Variants in ARHGAP32 observed in about 807,000 individuals in gnomAD.
The protein encoded by ARHGAP32 is rho GTPase-activating protein 32.
Under a neutral mutation model 186.5 loss-of-function variants are expected in ARHGAP32, and 51 were observed. The ratio of observed to expected loss-of-function variants is 0.27; its 90% CI spans 0.22 to 0.35. The LOEUF is 0.35. ARHGAP32 is among the 10% of genes least tolerant of loss of function. The probability of loss-of-function intolerance (pLI) is 1.00; values close to 1 mark genes in which losing one functional copy is unlikely to be tolerated. For synonymous variants in ARHGAP32, 950 were observed against 964.3 expected, an observed-to-expected ratio of 0.99 and a Z score of 0.27; for missense variants, 2,186 against 2,623.5, an observed-to-expected ratio of 0.83 and a Z score of 3.64.
In ARHGAP32 at chr11:129,111,761, T is replaced by TC. The variant is rs541216053; in HGVS notation, c.444+11684dup. ...TAATGTCTATTTTTCTTTTATTTTT[T>TC]CCCCCTTTCTTTTTTTGAGACAGAG... is the stretch of plus-strand genomic sequence containing the variant. On this transcript the variant is annotated intron_variant, in intron 5 of 22. Coordinates refer to ENST00000682385, the MANE Select transcript of ARHGAP32 (RefSeq NM_001378024.1). 6.1e-4 allele frequency among the ~76,000 whole-genome samples: 93 copies of TC among 152,094 alleles called. 1 individual carries two copies. The highest frequency in any genetic ancestry group is 3.4e-3 in the Middle Eastern group (1 of 294).
intron 5 of ARHGAP32, among the ~76,000 whole-genome samples, chr11:129,115,236 A>T (rs1203839799): frequency 1.3e-5 from 2 of 152,132 alleles, no homozygotes; most frequent in African/African-American, 4.8e-5. Flanking sequence ...ATACTACTTT[A>T]AAACTACTGA....
intron 1 of ARHGAP32, among the ~76,000 whole-genome samples, chr11:129,233,350 TA>T (rs1174390118): frequency 1.3e-5 from 2 of 152,184 alleles, no homozygotes; most frequent in African/African-American, 4.8e-5. Flanking sequence ...TTTACTTTTG[TA>T]TATGTTTGAG....
chr11:129,235,929 A>ACACACT (rs1944924844), intron 1 of ARHGAP32, among the ~76,000 whole-genome samples: 1 of 119,062 alleles, frequency 8.4e-6, no homozygotes, highest in Non-Finnish European at 1.9e-5. Context: ...ACACACACAC[A>ACACACT]CACACACACA....
chr11:129,055,583 T>C (rs1940217127), intron 10 of ARHGAP32, among the ~76,000 whole-genome samples: 2 of 152,190 alleles, frequency 1.3e-5, no homozygotes, highest in South Asian at 2.1e-4. Context: ...TCCATGACAC[T>C]GAATATTAGA....
intron 2 of ARHGAP32, among the ~76,000 whole-genome samples, chr11:129,128,363 G>A (rs902980186): frequency 6.6e-6 from 1 of 152,048 alleles, no homozygotes; most frequent in Admixed American, 6.5e-5. Context: ...TATTTTACTA[G>A]TATTTGACAT....
At chr11:129,072,123 A>G (rs188376958) in intron 6 of ARHGAP32, among the ~76,000 whole-genome samples, 3 of 152,340 alleles carry the variant, frequency 2.0e-5, no homozygotes, top group Admixed American at 2.0e-4. Context: ...TAAGTAGTTA[A>G]GGTAGAAAAA....
Position 128,968,746 on chromosome 11 carries a change from AGGGAAG to A in ARHGAP32, c.*155_*160del, listed in dbSNP as rs1385265914. 2 of 529,766 alleles carry A rather than the reference AGGGAAG, an allele frequency of 3.8e-6. No individual in the cohort carries two copies. The highest frequency in any genetic ancestry group is 5.9e-6 in the Non-Finnish European group (2 of 337,240). 32.8% of individuals were successfully genotyped at this position (529,766 alleles called of 1,614,324 possible). ...TAGATGGAAGAGGGGGTAATGAAGC[AGGGAAG>A]GGGAAAAAGATGCTGATTTGTTTAC... On this transcript the variant is annotated 3_prime_UTR_variant, in exon 23 of 23. Coordinates refer to ENST00000682385, the MANE Select transcript of ARHGAP32 (RefSeq NM_001378024.1).
chr11:129,090,089 C>A (rs749987449), intron 6 of ARHGAP32, among the ~76,000 whole-genome samples: 1 of 152,178 alleles, frequency 6.6e-6, no homozygotes, highest in Non-Finnish European at 1.5e-5. Context: ...GAATAAATGA[C>A]ACCTACCTTT....
intron 15 of ARHGAP32, among the ~76,000 whole-genome samples, chr11:128,982,886 G>A (rs1450282485): frequency 3.8e-4 from 31 of 81,466 alleles, no homozygotes; most frequent in Admixed American, 5.8e-4. Context: ...GTGAGACCTT[G>A]TCTTTAAAAA....
At chr11:129,083,206 C>T (rs1941273078) in intron 6 of ARHGAP32, among the ~76,000 whole-genome samples, 1 of 152,178 alleles carries the variant, frequency 6.6e-6, no homozygotes, top group Non-Finnish European at 1.5e-5. Context: ...AGTAGATCTA[C>T]CTTTTGATCC....
At position 128,970,573 on chromosome 11, in the gene ARHGAP32, C is replaced by T. The variant is rs778781363; in HGVS notation, c.4640G>A (p.Arg1547His). The T allele has an allele frequency of 4.5e-5, 73 of 1,613,996 alleles. No homozygotes were observed. The highest frequency in any genetic ancestry group is 7.7e-5 in the South Asian group (7 of 91,070). The change falls in exon 23 of 23, where the codon CGT (arginine) becomes CAT (histidine). Residue 1547 changes from arginine (R) to histidine (H), a missense_variant. Arg to His is a conservative substitution (Grantham distance 29). Coordinates refer to ENST00000682385, the MANE Select transcript of ARHGAP32 (RefSeq NM_001378024.1). The surrounding 1 kb of genome is among the most constrained non-coding windows in gnomAD (Gnocchi z 5.8). ...RSEPPASMGL[R>H]YNTYVAPGRN... Reference sequence around the variant, plus strand: ...TCCTGGGGCCACATATGTGTTATAACGAAGACCCATGGAGGCTGGTGGCTC... The same window carrying T: ...TCCTGGGGCCACATATGTGTTATAATGAAGACCCATGGAGGCTGGTGGCTC...
At chr11:129,120,358 A>G (rs1942492340) in intron 5 of ARHGAP32, among the ~76,000 whole-genome samples, 1 of 152,104 alleles carries the variant, frequency 6.6e-6, no homozygotes, top group Admixed American at 6.6e-5. Flanking sequence ...CGCTGCAATG[A>G]TTGAGGTGTT....
intron 1 of ARHGAP32, among the ~76,000 whole-genome samples, chr11:129,170,259 C>T (rs1280320264): frequency 6.8e-6 from 1 of 146,374 alleles, no homozygotes; most frequent in Non-Finnish European, 1.5e-5. Context: ...AGGTTTGTTA[C>T]ATAGGTATAC....
At chr11:129,147,115 A>G (rs748005941) in intron 2 of ARHGAP32, among the ~76,000 whole-genome samples, 14 of 152,120 alleles carry the variant, frequency 9.2e-5, no homozygotes, top group Non-Finnish European at 1.9e-4. Context: ...TTATTTATTC[A>G]GAGTGATGCT....
chr11:129,100,637 G>A (rs1442435663), intron 5 of ARHGAP32, among the ~76,000 whole-genome samples: 1 of 152,070 alleles, frequency 6.6e-6, no homozygotes, highest in Non-Finnish European at 1.5e-5. Flanking sequence ...GCCTTGGTGG[G>A]CAGAGCCAGC....
chr11:129,192,385 C>G (rs931662959), upstream of ARHGAP32, among the ~76,000 whole-genome samples: 1 of 152,174 alleles, frequency 6.6e-6, no homozygotes, highest in Admixed American at 6.5e-5. Context: ...GTCACTGCGT[C>G]TGACTGCCAT....
chr11:128,989,516 TCACACACACA>T lies in ARHGAP32; in HGVS notation c.1196-1401_1196-1392del, dbSNP rs56090706. Among the ~76,000 whole-genome samples, 21 of 139,034 alleles carry T rather than the reference TCACACACACA, an allele frequency of 1.5e-4. 1 individual carries two copies. The highest frequency in any genetic ancestry group is 7.2e-4 in the South Asian group (3 of 4,150). The allele number at this position is 139,034 out of a possible 152,430, so 91.2% of individuals were successfully genotyped here. A position where few individuals can be genotyped will look rare whatever the true frequency, so the allele number is the denominator to read the frequency against. ...CAATGCTTTTGTTTTGTTTTTTATT[TCACACACACA>T]CACACACACACACACACACACACAC... On this transcript the variant is annotated intron_variant, in intron 12 of 22. Transcript: ENST00000682385.
chr11:129,002,475 T>G (rs1360968632), intron 11 of ARHGAP32, among the ~76,000 whole-genome samples: 1 of 152,178 alleles, frequency 6.6e-6, no homozygotes, highest in African/African-American at 2.4e-5. Flanking sequence ...GTTTTATCAG[T>G]TCAAATAGTT....
intron 1 of ARHGAP32, among the ~76,000 whole-genome samples, chr11:129,187,874 C>T (rs1944194206): frequency 6.6e-6 from 1 of 151,874 alleles, no homozygotes; most frequent in African/African-American, 2.4e-5. Context: ...ATAAAATGGG[C>T]CTGGGTGTGA....
Sources: allele counts gnomAD v4.1 joint callset (sites outside exome capture counted in the v4.1 genomes callset), GRCh38; gene constraint gnomAD v4.1.1; non-coding constraint Gnocchi (gnomAD v3.1); transcripts MANE v1.5; gene names NCBI Gene and HGNC (gene_info 2026-07-23, HGNC 2026-07-21).